IRAK2: variants seen among roughly 807,000 people sequenced by gnomAD.
IRAK2 encodes interleukin 1 receptor associated kinase 2, also known as interleukin-1 receptor-associated kinase-like 2.
A neutral mutation model predicts 72.0 loss-of-function variants in IRAK2; 57 were observed. The ratio of observed to expected loss-of-function variants is 0.79; its 90% CI spans 0.64 to 0.99. The LOEUF (loss-of-function observed/expected upper bound fraction) is 0.99, where lower values mean the gene tolerates loss of function less well. IRAK2 is among the 50% of genes least tolerant of loss of function. The pLI is 0.00. For synonymous variants in IRAK2, 293 were observed against 312.7 expected (o/e 0.94, Z 0.67); for missense variants, 790 against 794.4 (o/e 0.99, Z 0.07).
chr3:10,212,679 G>T (rs1697538166), intron 4 of IRAK2, among the ~76,000 whole-genome samples: 1 of 151,962 alleles, frequency 6.6e-6, no homozygotes, highest in South Asian at 2.1e-4. Flanking sequence ...AAAAATTGAG[G>T]CTCAGAGAGG....
intron 2 of IRAK2, among the ~76,000 whole-genome samples, chr3:10,199,576 C>T (rs752662750): frequency 2.6e-5 from 4 of 152,172 alleles, no homozygotes; most frequent in African/African-American, 4.8e-5. Flanking sequence ...GTAGGACAGC[C>T]AGAACTTTGA....
intron 10 of IRAK2, among the ~76,000 whole-genome samples, chr3:10,233,211 G>T (rs776515): frequency 0.2 from 30,842 of 151,878 alleles, 4,339 homozygotes; most frequent in East Asian, 0.72. Context: ...CGCCATGCCC[G>T]GCTAATTTTT....
intron 2 of IRAK2, among the ~76,000 whole-genome samples, chr3:10,184,727 T>G (rs1254267684): frequency 1.3e-3 from 71 of 53,894 alleles, no homozygotes; most frequent in Admixed American, 2.0e-3. Flanking sequence ...TTGTGTGTTT[T>G]TTTTTTTTTT....
chr3:10,239,824 C>G (rs1446673520), intron 12 of IRAK2, among the ~76,000 whole-genome samples: 1 of 152,116 alleles, frequency 6.6e-6, no homozygotes, highest in Non-Finnish European at 1.5e-5. Flanking sequence ...CCTCTCAACA[C>G]AAACACCATC....
intron 1 of IRAK2, among the ~76,000 whole-genome samples, chr3:10,171,195 C>G (rs571951517): frequency 6.6e-6 from 1 of 152,154 alleles, no homozygotes; most frequent in African/African-American, 2.4e-5. Flanking sequence ...CAGAGGGGCT[C>G]GGCGCAGGGG....
At chr3:10,187,450 C>T (rs1244266408) in intron 2 of IRAK2, among the ~76,000 whole-genome samples, 1 of 152,174 alleles carries the variant, frequency 6.6e-6, no homozygotes, top group Non-Finnish European at 1.5e-5. Flanking sequence ...AAAGCTGCCT[C>T]ATTGTCATGT....
intron 2 of IRAK2, among the ~76,000 whole-genome samples, chr3:10,183,500 A>G (rs989440944): frequency 2.6e-5 from 4 of 152,154 alleles, no homozygotes; most frequent in African/African-American, 7.2e-5. Flanking sequence ...GGCAGATCAC[A>G]AGGTCAGGAG....
In IRAK2 at chr3:10,222,824, G is replaced by A. The variant is rs746175611; in HGVS notation, c.1202G>A (p.Cys401Tyr). 3 of 1,613,870 alleles carry A rather than the reference G, an allele frequency of 1.9e-6. No individual in the cohort carries two copies. Among genetic ancestry groups the A allele is most frequent in the Non-Finnish European group, 2.5e-6 (3 of 1,179,864 alleles). Residue 401 changes from cysteine to tyrosine, a missense_variant, in exon 9 of 13, where the codon TGT (cysteine) becomes TAT (tyrosine). By Grantham distance (194) the Cys-to-Tyr change is radical. Coordinates refer to ENST00000256458, the MANE Select transcript of IRAK2 (RefSeq NM_001570.4). ...ACAAAGCGAGTGGACATCTTCAGCT[G>A]TGGAATAGTAAGAGTGTCCTGCTCT... ...QLTKRVDIFS[C>Y]GIVLAEVLTG...
intron 8 of IRAK2, among the ~76,000 whole-genome samples, chr3:10,222,061 T>C (rs1296904262): frequency 6.6e-6 from 1 of 152,148 alleles, no homozygotes; most frequent in Non-Finnish European, 1.5e-5. Context: ...TTAATTTTTG[T>C]ATTTTTAGTA....
At chr3:10,222,141 G>A (rs576101303) in intron 8 of IRAK2, among the ~76,000 whole-genome samples, 1 of 152,330 alleles carries the variant, frequency 6.6e-6, no homozygotes, top group Non-Finnish European at 1.5e-5. Context: ...GCCCATCTCG[G>A]CCTCCCAAAG....
chr3:10,197,853 A>C (rs1697295140), intron 2 of IRAK2, among the ~76,000 whole-genome samples: 2 of 132,236 alleles, frequency 1.5e-5, no homozygotes, highest in African/African-American at 7.7e-5. Flanking sequence ...CTCCGTCTCA[A>C]AAAAAAAAAA....
Position 10,229,840 on chromosome 3 carries a change from G to A in IRAK2, c.1272+3407G>A, listed in dbSNP as rs546472197. Among the ~76,000 whole-genome samples, 164 of 152,230 alleles carry A rather than the reference G, an allele frequency of 1.1e-3. 1 individual carries two copies. The highest frequency in any genetic ancestry group is 0.01 in the Middle Eastern group (3 of 294). On this transcript the variant is annotated intron_variant, in intron 10 of 12. Coordinates refer to ENST00000256458, the MANE Select transcript of IRAK2 (RefSeq NM_001570.4). Reference sequence around the variant, plus strand: ...AAGAGGCCGGGCACAGTGGCTCACGGCTGTAATCGCGGCACTTTGGGAGGC... The same window carrying A: ...AAGAGGCCGGGCACAGTGGCTCACGACTGTAATCGCGGCACTTTGGGAGGC...
chr3:10,192,643 CTAGAGT>C (rs1245763243), intron 2 of IRAK2, among the ~76,000 whole-genome samples: 3 of 152,172 alleles, frequency 2.0e-5, no homozygotes, highest in Non-Finnish European at 4.4e-5. Context: ...AAAGCCTGAC[CTAGAGT>C]TAGAGTGGTC....
At chr3:10,201,375 C>T (rs1284874976) in intron 3 of IRAK2, among the ~76,000 whole-genome samples, 3 of 152,344 alleles carry the variant, frequency 2.0e-5, no homozygotes, top group South Asian at 4.1e-4. Flanking sequence ...ATTTCTCTGT[C>T]CATTCTCCAT....
At chr3:10,224,640 G>A (rs762902663) in intron 9 of IRAK2, among the ~76,000 whole-genome samples, 23 of 144,108 alleles carry the variant, frequency 1.6e-4, no homozygotes, top group Non-Finnish European at 2.7e-4. Context: ...GTGTGTTAGC[G>A]TCACAGATGA....
intron 11 of IRAK2, among the ~76,000 whole-genome samples, chr3:10,237,694 C>T (rs1345013778): frequency 6.6e-6 from 1 of 151,174 alleles, no homozygotes; most frequent in Non-Finnish European, 1.5e-5. Context: ...GTTGTCCCAG[C>T]TACTCAGAAG....
chr3:10,166,924 G>C (rs897058828), intron 1 of IRAK2, among the ~76,000 whole-genome samples: 4 of 152,184 alleles, frequency 2.6e-5, no homozygotes, highest in African/African-American at 9.7e-5. Flanking sequence ...GATTACAGGC[G>C]TGAGCCACTG....
At chr3:10,207,247 C>G (rs1051000575) in intron 3 of IRAK2, among the ~76,000 whole-genome samples, 6 of 152,076 alleles carry the variant, frequency 3.9e-5, no homozygotes, top group African/African-American at 1.4e-4. Context: ...GCCACTGTGC[C>G]CAGGCCAAAA....
chr3:10,191,960 C>G (rs1697181949), intron 2 of IRAK2, among the ~76,000 whole-genome samples: 1 of 151,982 alleles, frequency 6.6e-6, no homozygotes, highest in Non-Finnish European at 1.5e-5. Context: ...CCAGGGATCG[C>G]ACAATTAGGA....
Sources: gnomAD v4.1 joint callset for allele counts (sites outside exome capture counted in the v4.1 genomes callset) on GRCh38, gnomAD v4.1.1 for gene constraint, MANE v1.5 for transcripts, NCBI Gene and HGNC (gene_info 2026-07-23, HGNC 2026-07-21) for gene names.